The following CCDC171 variants were observed in gnomAD, a reference collection of about 807,000 sequenced individuals.
CCDC171 encodes coiled-coil domain-containing protein 171.
CCDC171 carries 177 observed loss-of-function variants against 168.2 expected under a neutral mutation model. The ratio of observed to expected loss-of-function variants is 1.05; its 90% CI spans 0.93 to 1.19. The LOEUF (loss-of-function observed/expected upper bound fraction) is 1.19, where lower values mean the gene tolerates loss of function less well. Ranked by LOEUF, CCDC171 falls within the 50% of genes most tolerant of loss-of-function variation. CCDC171 has a pLI of 0.00. For synonymous variants in CCDC171, 687 were observed against 540.8 expected (o/e 1.27, Z -3.75); for missense variants, 1,991 against 1,539.0 (o/e 1.29, Z -4.91).
At chr9:15,798,885 T>C (rs535456202) in intron 21 of CCDC171, among the ~76,000 whole-genome samples, 2 of 152,092 alleles carry the variant, frequency 1.3e-5, no homozygotes, top group African/African-American at 4.8e-5. Context: ...CTGTAGTGTT[T>C]ATAATATACC....
chr9:15,575,800 T>G (rs2040603936), intron 3 of CCDC171, among the ~76,000 whole-genome samples: 1 of 152,194 alleles, frequency 6.6e-6, no homozygotes, highest in Non-Finnish European at 1.5e-5. Flanking sequence ...TTTTAGAAAT[T>G]ATAGTTACAG....
intron 25 of CCDC171, among the ~76,000 whole-genome samples, chr9:15,958,516 G>GTATATTATATTA: frequency 7.3e-6 from 1 of 136,648 alleles, no homozygotes; most frequent in East Asian, 2.1e-4. Flanking sequence ...CGGAGGTGAG[G>GTATATTATATTA]TATTATATTA....
chr9:15,884,413 A>C (rs940981180), intron 24 of CCDC171, among the ~76,000 whole-genome samples: 16 of 152,196 alleles, frequency 1.1e-4, no homozygotes, highest in Admixed American at 2.0e-4. Context: ...ATTTCAGGTT[A>C]ATATTTTTAC....
At chr9:15,717,064 C>A (rs560807511) in intron 11 of CCDC171, among the ~76,000 whole-genome samples, 40 of 152,280 alleles carry the variant, frequency 2.6e-4, no homozygotes, top group African/African-American at 8.9e-4. Flanking sequence ...TTTTAAACTT[C>A]ATATCACTGA....
At chr9:16,036,610 C>T (rs538545343) in intron 8 of CCDC171, among the ~76,000 whole-genome samples, 1 of 152,332 alleles carries the variant, frequency 6.6e-6, no homozygotes, top group East Asian at 1.9e-4. Context: ...CGCCACTGCA[C>T]TCCAGCCTGG....
chr9:15,554,977 T>C (rs765651173), intron 1 of CCDC171, among the ~76,000 whole-genome samples: 6 of 152,128 alleles, frequency 3.9e-5, no homozygotes, highest in Non-Finnish European at 8.8e-5. Flanking sequence ...CATCCACCCA[T>C]CCCTCGTTTT....
At chr9:15,947,790 C>G (rs183228348) in intron 25 of CCDC171, among the ~76,000 whole-genome samples, 26 of 151,690 alleles carry the variant, frequency 1.7e-4, no homozygotes, top group African/African-American at 6.0e-4. Context: ...AATGGGCATA[C>G]AAGTATGCTT....
At chr9:15,622,252 C>G (rs1031556582) in intron 6 of CCDC171, among the ~76,000 whole-genome samples, 1 of 152,088 alleles carries the variant, frequency 6.6e-6, no homozygotes, top group South Asian at 2.1e-4. Flanking sequence ...ACCTATATAA[C>G]AAACCTACAC....
At chr9:15,889,134 T>A (rs1400750772) in intron 24 of CCDC171, 1 of 151,044 alleles carries the variant, frequency 6.6e-6, no homozygotes, top group Non-Finnish European at 1.5e-5. Flanking sequence ...AATTTTTGTA[T>A]TTTTTTTATG....
chr9:15,956,026 C>T (rs137868427), intron 25 of CCDC171, among the ~76,000 whole-genome samples: 1 of 152,144 alleles, frequency 6.6e-6, no homozygotes, highest in Non-Finnish European at 1.5e-5. Flanking sequence ...AAAATTGATG[C>T]AGGGCAATTT....
At chr9:15,997,861 C>T (rs898272439) in intron 3 of CCDC171, among the ~76,000 whole-genome samples, 7 of 152,162 alleles carry the variant, frequency 4.6e-5, no homozygotes, top group Admixed American at 4.6e-4. Flanking sequence ...AACACGTATC[C>T]TTCCCTTGCA....
intron 7 of CCDC171, among the ~76,000 whole-genome samples, chr9:15,623,626 A>T (rs1322317150): frequency 1.3e-5 from 2 of 152,006 alleles, no homozygotes; most frequent in East Asian, 3.9e-4. Context: ...TTTGTATCTG[A>T]GTATTTTCTG....
At chr9:16,047,952 T>A (rs183189626) in intron 1 of CCDC171, among the ~76,000 whole-genome samples, 1 of 152,336 alleles carries the variant, frequency 6.6e-6, no homozygotes. Flanking sequence ...CTTTGCTTCC[T>A]CATCTGACAC....
chr9:15,822,746 A>G (rs62571348), intron 21 of CCDC171, among the ~76,000 whole-genome samples: 3,911 of 152,232 alleles, frequency 0.026, 92 homozygotes, highest in Non-Finnish European at 0.036. Flanking sequence ...GGGACTGTAA[A>G]CTAGTTCAAC....
chr9:15,692,030 T>A (rs2050837274), intron 10 of CCDC171, among the ~76,000 whole-genome samples: 1 of 152,146 alleles, frequency 6.6e-6, no homozygotes, highest in Non-Finnish European at 1.5e-5. Flanking sequence ...TATCTGGACT[T>A]CTTGAGTATT....
At chr9:15,604,047 T>TC (rs1237826267) in intron 6 of CCDC171, among the ~76,000 whole-genome samples, 8 of 151,422 alleles carry the variant, frequency 5.3e-5, no homozygotes, top group Non-Finnish European at 1.2e-4. Flanking sequence ...CATGTATGTC[T>TC]TTTTTTTTGA....
chr9:15,895,700 T>C (rs1820808366), intron 24 of CCDC171, among the ~76,000 whole-genome samples: 1 of 152,112 alleles, frequency 6.6e-6, no homozygotes, highest in Non-Finnish European at 1.5e-5. Context: ...GAAGTTAAGC[T>C]TCTTCTTGTT....
chr9:15,824,010 T>C (rs184111076), intron 21 of CCDC171, among the ~76,000 whole-genome samples: 1 of 152,234 alleles, frequency 6.6e-6, no homozygotes, highest in Admixed American at 6.5e-5. Context: ...AATCTGATTT[T>C]CCCCTATCAA....
At position 15,607,493 on chromosome 9, in the gene CCDC171, A is replaced by C. The variant is rs186139359; in HGVS notation, c.675+13321A>C. ...TTTTTTTTCTTTTAGACAGGGTCTC[A>C]CTCTGTCACCCAGGCTGGAGTGCAG... On this transcript the variant is annotated intron_variant, in intron 6 of 25. Transcript: ENST00000380701. 2.3e-3 allele frequency among the ~76,000 whole-genome samples: 346 copies of C among 151,638 alleles called. 1 individual carries two copies. The highest frequency in any genetic ancestry group is 8.1e-3 in the African/African-American group (334 of 41,316).
Sources: gnomAD v4.1 joint callset for allele counts (sites outside exome capture counted in the v4.1 genomes callset) on GRCh38, gnomAD v4.1.1 for gene constraint, MANE v1.5 for transcripts, NCBI Gene and HGNC (gene_info 2026-07-23, HGNC 2026-07-21) for gene names.